The following PREX2 variants were observed in gnomAD, a reference collection of about 807,000 sequenced individuals.
PREX2 encodes phosphatidylinositol-3,4,5-trisphosphate dependent Rac exchange factor 2.
PREX2 carries 107 observed loss-of-function variants against 203.2 expected under a neutral mutation model. The ratio of observed to expected loss-of-function variants is 0.53; its 90% CI spans 0.45 to 0.62. The LOEUF is 0.62. PREX2 is among the 20% of genes least tolerant of loss of function. The pLI, the probability that PREX2 is intolerant of heterozygous loss-of-function variation, is 0.00. For missense variants in PREX2, 1,777 were observed against 1,955.9 expected, an observed-to-expected ratio of 0.91 and a Z score of 1.72; for synonymous variants, 672 against 663.6, an observed-to-expected ratio of 1.01 and a Z score of -0.19.
intron 36 of PREX2, 103 bp from the exon 37 acceptor site, chr8:68,192,232 A>C: frequency 1.2e-6 from 1 of 845,120 alleles, no homozygotes; most frequent in Non-Finnish European, 1.8e-6. Context: ...TTACCACCAA[A>C]ATGAAATAAA....
At chr8:67,963,160 G>T (rs939337904) in intron 1 of PREX2, among the ~76,000 whole-genome samples, 1 of 152,128 alleles carries the variant, frequency 6.6e-6, no homozygotes, top group East Asian at 1.9e-4. Flanking sequence ...AGCAGAAGTG[G>T]CCTGGGTAAC....
intron 2 of PREX2, among the ~76,000 whole-genome samples, chr8:68,019,297 A>G (rs779980356): frequency 1.6e-4 from 24 of 152,166 alleles, no homozygotes; most frequent in Non-Finnish European, 3.1e-4. Flanking sequence ...CCCAGCTTTG[A>G]GAAGGGAGTG....
chr8:68,123,425 T>C (rs1810818991), intron 30 of PREX2, among the ~76,000 whole-genome samples: 1 of 151,924 alleles, frequency 6.6e-6, no homozygotes, highest in African/African-American at 2.4e-5. Flanking sequence ...CAAAAAACCA[T>C]TTAAAAGATC....
intron 22 of PREX2, among the ~76,000 whole-genome samples, chr8:68,097,822 G>A (rs933544916): frequency 2.0e-5 from 3 of 152,168 alleles, no homozygotes; most frequent in Non-Finnish European, 2.9e-5. Flanking sequence ...AATTCAGATG[G>A]TTTTCATGAC....
At chr8:68,173,637 T>C (rs903302910) in intron 35 of PREX2, among the ~76,000 whole-genome samples, 3 of 152,200 alleles carry the variant, frequency 2.0e-5, no homozygotes, top group African/African-American at 7.2e-5. Flanking sequence ...AATTTTTAGG[T>C]AAGGGCAACA....
chr8:68,225,834 G>A (rs1813047339), intron 39 of PREX2, among the ~76,000 whole-genome samples: 1 of 152,120 alleles, frequency 6.6e-6, no homozygotes, highest in African/African-American at 2.4e-5. Context: ...CCAGCACCTT[G>A]GGAAGCATGG....
At chr8:68,150,249 C>T (rs1203388419) in intron 34 of PREX2, among the ~76,000 whole-genome samples, 1 of 152,092 alleles carries the variant, frequency 6.6e-6, no homozygotes, top group East Asian at 1.9e-4. Context: ...TCCCCTGGGC[C>T]TCCTTTCTGG....
intron 4 of PREX2, among the ~76,000 whole-genome samples, chr8:68,024,655 TG>T (rs1807663220): frequency 6.6e-6 from 1 of 152,040 alleles, no homozygotes; most frequent in African/African-American, 2.4e-5. Flanking sequence ...ATTGATATGA[TG>T]GTATTTACAT....
At chr8:67,992,330 T>G (rs1229328285) in intron 1 of PREX2, among the ~76,000 whole-genome samples, 3 of 152,208 alleles carry the variant, frequency 2.0e-5, no homozygotes, top group Non-Finnish European at 4.4e-5. Flanking sequence ...AACTTAACAT[T>G]CTGGTTTTTC....
chr8:67,999,494 A>AC (rs1214508726), intron 1 of PREX2, among the ~76,000 whole-genome samples: 1 of 150,836 alleles, frequency 6.6e-6, no homozygotes, highest in Non-Finnish European at 1.5e-5. Flanking sequence ...AAAAAAAAAA[A>AC]AGCCCAGAAC....
At chr8:68,196,511 C>T (rs1029755710) in intron 37 of PREX2, among the ~76,000 whole-genome samples, 1 of 149,650 alleles carries the variant, frequency 6.7e-6, no homozygotes, top group Non-Finnish European at 1.5e-5. Context: ...ATAGTGTCTT[C>T]GTTTACTTGT....
chr8:68,106,430 C>A, intron 23 of PREX2: 1 of 453,648 alleles, frequency 2.2e-6, no homozygotes, highest in Non-Finnish European at 4.2e-6. Flanking sequence ...TAAATTTTCA[C>A]TATCCATTAT....
intron 35 of PREX2, among the ~76,000 whole-genome samples, chr8:68,174,675 AC>A (rs1811944585): frequency 6.6e-6 from 1 of 152,046 alleles, no homozygotes; most frequent in African/African-American, 2.4e-5. Context: ...TGCTTTATAT[AC>A]TTTTTGTGTC....
At chr8:68,021,725 C>A (rs1383878797) in intron 3 of PREX2, among the ~76,000 whole-genome samples, 1 of 152,120 alleles carries the variant, frequency 6.6e-6, no homozygotes, top group Non-Finnish European at 1.5e-5. Context: ...TAATTTCTTC[C>A]TCTTTTTAAG....
At chr8:68,221,063 A>G (rs1812945039) in intron 38 of PREX2, among the ~76,000 whole-genome samples, 1 of 151,940 alleles carries the variant, frequency 6.6e-6, no homozygotes. Flanking sequence ...TTCCATCTTT[A>G]TGTCCATGTG....
intron 8 of PREX2, among the ~76,000 whole-genome samples, chr8:68,049,682 T>A (rs1808465191): frequency 6.6e-6 from 1 of 152,144 alleles, no homozygotes; most frequent in South Asian, 2.1e-4. Flanking sequence ...AACCTATTCT[T>A]CCTATAAAAT....
intron 31 of PREX2, among the ~76,000 whole-genome samples, chr8:68,133,560 A>AC (rs1189168080): frequency 6.6e-6 from 1 of 152,200 alleles, no homozygotes; most frequent in Non-Finnish European, 1.5e-5. Flanking sequence ...AAACAATTGA[A>AC]CATCGTATAC....
At chr8:68,054,358 C>T in intron 9 of PREX2, among the ~76,000 whole-genome samples, 1 of 135,200 alleles carries the variant, frequency 7.4e-6, no homozygotes, top group South Asian at 2.3e-4. Context: ...CTTAAGCACC[C>T]AAGAGAAAAA....
At chr8:68,036,091 A>T (rs1408210538) in intron 6 of PREX2, among the ~76,000 whole-genome samples, 1 of 152,178 alleles carries the variant, frequency 6.6e-6, no homozygotes, top group Non-Finnish European at 1.5e-5. Context: ...ATGGGGACTT[A>T]TAATAATGCC....
Sources: allele counts gnomAD v4.1 joint callset (sites outside exome capture counted in the v4.1 genomes callset), GRCh38; gene constraint gnomAD v4.1.1; transcripts MANE v1.5; gene names NCBI Gene and HGNC (gene_info 2026-07-23, HGNC 2026-07-21).